Variants in GUCD1 observed in about 807,000 individuals in gnomAD.
The protein encoded by GUCD1 is guanylyl cyclase domain containing 1.
In GUCD1, 17 loss-of-function variants were observed where a neutral mutation model predicts 28.3. The ratio of observed to expected loss-of-function variants is 0.60; its 90% CI spans 0.41 to 0.90. The LOEUF (loss-of-function observed/expected upper bound fraction) is 0.90. Ranked by LOEUF, GUCD1 falls within the 40% of genes least tolerant of loss-of-function variation. The pLI is 0.00. For missense variants in GUCD1, 279 were observed against 305.5 expected (o/e 0.91, Z 0.65); for synonymous variants, 129 against 123.3 (o/e 1.05, Z -0.30).
chr22:24,552,481 C>CT (rs1259223460), intron 1 of GUCD1, among the ~76,000 whole-genome samples: 4 of 152,070 alleles, frequency 2.6e-5, no homozygotes, highest in Non-Finnish European at 4.4e-5. Context: ...AAGAAATAAA[C>CT]TTTTTTTAGG....
intron 1 of GUCD1, among the ~76,000 whole-genome samples, chr22:24,552,647 C>T (rs577003668): frequency 2.6e-4 from 40 of 152,042 alleles, no homozygotes; most frequent in African/African-American, 9.6e-4. Flanking sequence ...GCCAGAGCCT[C>T]TTATCCCAGC....
At chr22:24,549,663 C>T (rs1310065136) in intron 1 of GUCD1, among the ~76,000 whole-genome samples, 2 of 152,136 alleles carry the variant, frequency 1.3e-5, no homozygotes, top group African/African-American at 2.4e-5. Flanking sequence ...CACAGGCGTG[C>T]GCCACCATGC....
chr22:24,555,823 C>T (rs1032791612), upstream of GUCD1: 2 of 1,545,808 alleles, frequency 1.3e-6, no homozygotes, highest in Non-Finnish European at 1.7e-6. Context: ...CGGGCCCAGT[C>T]ATCAGCCCTC....
At chr22:24,547,409 A>G (rs557080589) in intron 3 of GUCD1, 1 of 204,108 alleles carries the variant, frequency 4.9e-6, no homozygotes, top group East Asian at 1.2e-4. Context: ...CACGGAACAC[A>G]CTTTGCTGGC....
chr22:24,546,980 G>A lies in GUCD1; in HGVS notation c.320C>T (p.Thr107Ile), dbSNP rs1417202538. ...NQSFYRKHFDTEETRVNQLFA... is the reference protein window; with the variant it reads ...NQSFYRKHFDIEETRVNQLFA... ...CAGCTGATTCACCCGGGTCTCTTCT[G>A]TGTCAAAGTGCTTCCTGTAGAAGGA... The change falls in exon 4 of 6, where the codon ACA becomes ATA. Residue 107 changes from threonine (T) to isoleucine (I), a missense_variant. Thr to Ile is a moderately conservative substitution (Grantham distance 89). Transcript: ENST00000435822. 1.2e-6 allele frequency: 2 copies of A among 1,614,128 alleles called. No homozygotes were observed. Among genetic ancestry groups the A allele is most frequent in the Non-Finnish European group, 1.7e-6 (2 of 1,180,000 alleles).
At chr22:24,548,392 C>T (rs1237390114) in intron 2 of GUCD1, among the ~76,000 whole-genome samples, 1 of 152,186 alleles carries the variant, frequency 6.6e-6, no homozygotes, top group Non-Finnish European at 1.5e-5. Context: ...CAGTGGTTTT[C>T]AAAGTTTTAG....
chr22:24,543,438 G>A (rs907217653), intron 5 of GUCD1, among the ~76,000 whole-genome samples: 6 of 152,216 alleles, frequency 3.9e-5, no homozygotes, highest in South Asian at 2.1e-4. Context: ...CCCTGTGCCC[G>A]GAGGGCAGTA....
rs758659178 is a variant in GUCD1, at chr22:24,547,011, C to A, written c.295-6G>T. The A allele has an allele frequency of 1.1e-5, 18 of 1,611,600 alleles. No individual in the cohort carries two copies. The highest frequency in any genetic ancestry group is 1.7e-6 in the Non-Finnish European group (2 of 1,177,872). ...AAGTGCTTCCTGTAGAAGGACTGAA[C>A]AGAGAAGAGGGGGATGGAGTGGCCA... On this transcript the variant is annotated splice_polypyrimidine_tract_variant and splice_region_variant and intron_variant, in intron 3 of 5. Transcript: ENST00000435822.
upstream of GUCD1, chr22:24,555,431 T>C (rs966815050): frequency 8.7e-7 from 1 of 1,143,652 alleles, no homozygotes; most frequent in African/African-American, 1.6e-5. Context: ...AAGCCCCGCC[T>C]CTGCCGGGTC....
Position 24,555,061 on chromosome 22 carries a change from G to A in GUCD1, c.-70C>T, listed in dbSNP as rs1046605019. The A allele has an allele frequency of 2.2e-6, 3 of 1,356,840 alleles. No homozygotes were observed. Among genetic ancestry groups the A allele is most frequent in the Admixed American group, 3.8e-5 (1 of 26,158 alleles). 84.1% of individuals were successfully genotyped at this position (1,356,840 alleles called of 1,614,324 possible). A position where few individuals can be genotyped will look rare whatever the true frequency, so the allele number is the denominator to read the frequency against. ...CTACAGCTTCCGCTTCGGCTGGGGC[G>A]GGAGGGCGGTCGGTGCGTGTCGAGT... On this transcript the variant is annotated 5_prime_UTR_variant, in exon 1 of 6. Transcript: ENST00000435822.
intron 3 of GUCD1, 70 bp downstream of exon 3, chr22:24,547,838 C>A (rs1294225703): frequency 6.5e-7 from 1 of 1,535,410 alleles, no homozygotes. Flanking sequence ...CCTCTTCCAA[C>A]TACTGGAACC....
intron 1 of GUCD1, among the ~76,000 whole-genome samples, chr22:24,549,743 C>T (rs1162901780): frequency 2.0e-5 from 3 of 152,146 alleles, no homozygotes; most frequent in Admixed American, 6.5e-5. Context: ...TGGCTGGTCT[C>T]GAACTCCTGA....
upstream of GUCD1, chr22:24,555,209 C>T: frequency 7.6e-7 from 1 of 1,308,388 alleles, no homozygotes; most frequent in East Asian, 3.1e-5. Flanking sequence ...CCTTAGGCCC[C>T]GCCCCAAACT....
At chr22:24,549,080 G>T in intron 1 of GUCD1, 79 bp from the exon 2 acceptor site, 1 of 994,046 alleles carries the variant, frequency 1.0e-6, no homozygotes. Context: ...CAGTGTCACT[G>T]CCTCCTGCCT....
Position 24,547,862 on chromosome 22 carries a change from C to G in GUCD1, c.294+46G>C, listed in dbSNP as rs376008107. 31 of 1,606,472 alleles carry G rather than the reference C, an allele frequency of 1.9e-5. No homozygotes were observed. The African/African-American group carries it at 3.6e-4, about 19-fold the overall frequency. ...ACTACTGGAACCAGGTGGCCTTATA[C>G]CTCTGTGTGGCCCCACATGGGAAGG... On this transcript the variant is annotated intron_variant, in intron 3 of 5. Coordinates refer to ENST00000435822, the MANE Select transcript of GUCD1 (RefSeq NM_001284254.2).
At chr22:24,545,993 G>A (rs780495794) in intron 4 of GUCD1, among the ~76,000 whole-genome samples, 9 of 145,846 alleles carry the variant, frequency 6.2e-5, no homozygotes, top group Non-Finnish European at 1.4e-4. Flanking sequence ...ACAGAGTCTC[G>A]CTCTGTCCCC....
At chr22:24,554,772 A>G (rs2044988611) in intron 1 of GUCD1, among the ~76,000 whole-genome samples, 177 bp downstream of exon 1, 1 of 152,134 alleles carries the variant, frequency 6.6e-6, no homozygotes, top group Non-Finnish European at 1.5e-5. Flanking sequence ...CCTTCCCACC[A>G]TGCTGACAAG....
In GUCD1 at chr22:24,541,354, T is replaced by C. The variant is rs1601528906; in HGVS notation, c.*1652A>G. 1 of 152,436 alleles carries C rather than the reference T, an allele frequency of 6.6e-6. No individual in the cohort carries two copies. Among genetic ancestry groups the C allele is most frequent in the East Asian group, 1.9e-4 (1 of 5,168 alleles). The allele number at this position is 152,436 out of a possible 1,614,324, so 9.4% of individuals were successfully genotyped here. On this transcript the variant is annotated 3_prime_UTR_variant, in exon 6 of 6. Transcript: ENST00000435822. Reference sequence around the variant, plus strand: ...AGGAGTGCAGGGATGGTATCACTGTTGCCCCTTTGAAAATGACCCATTTCC... The same window carrying C: ...AGGAGTGCAGGGATGGTATCACTGTCGCCCCTTTGAAAATGACCCATTTCC...
intron 3 of GUCD1, 167 bp downstream of exon 3, chr22:24,547,741 C>T (rs754819993): frequency 1.6e-5 from 11 of 690,166 alleles, no homozygotes; most frequent in Non-Finnish European, 2.6e-5. Context: ...TGACTGGCTC[C>T]CAAATCCTGC....
Sources: gnomAD v4.1 joint callset for allele counts (sites outside exome capture counted in the v4.1 genomes callset) on GRCh38, gnomAD v4.1.1 for gene constraint, MANE v1.5 for transcripts, NCBI Gene and HGNC (gene_info 2026-07-23, HGNC 2026-07-21) for gene names.